Variants in NFKB1 observed in about 807,000 individuals in gnomAD.
NFKB1 encodes the protein nuclear factor kappa B subunit 1, also known as nuclear factor NF-kappa-B p105 subunit.
Under a neutral mutation model 105.1 loss-of-function variants are expected in NFKB1, and 9 were observed. The ratio of observed to expected loss-of-function variants is 0.09; its 90% CI spans 0.05 to 0.15. NFKB1 has a LOEUF of 0.15. Among genes scored for constraint, NFKB1 ranks in the 10% least tolerant of loss-of-function variants. The pLI, the probability that NFKB1 is intolerant of heterozygous loss-of-function variation, is 1.00. For missense variants in NFKB1, 830 were observed against 1,203.7 expected, an observed-to-expected ratio of 0.69 and a Z score of 4.59; for synonymous variants, 440 against 442.2, an observed-to-expected ratio of 1.00 and a Z score of 0.06.
chr4:102,598,617 T>C (rs1270621920), intron 15 of NFKB1, among the ~76,000 whole-genome samples: 2 of 152,202 alleles, frequency 1.3e-5, no homozygotes, highest in African/African-American at 4.8e-5. Flanking sequence ...AGTACAACCT[T>C]CTTGGTATAA....
chr4:102,511,410 C>T (rs1040904324), intron 1 of NFKB1, among the ~76,000 whole-genome samples: 1 of 152,214 alleles, frequency 6.6e-6, no homozygotes, highest in African/African-American at 2.4e-5. Context: ...CGTAGTGGCT[C>T]ATATCTGTAA....
intron 5 of NFKB1, chr4:102,557,072 G>C (rs892113821): frequency 1.3e-5 from 2 of 152,196 alleles, no homozygotes; most frequent in Non-Finnish European, 2.9e-5. Context: ...ATTAGGAGAG[G>C]ATATGTGAAG....
chr4:102,592,342 A>G (rs1726244134), intron 11 of NFKB1, among the ~76,000 whole-genome samples: 1 of 152,258 alleles, frequency 6.6e-6, no homozygotes, highest in African/African-American at 2.4e-5. Context: ...TGTATACTAT[A>G]GAGAAATCTT....
At chr4:102,584,849 C>T (rs1399907285) in intron 11 of NFKB1, 29 bp downstream of exon 11, 4 of 1,558,366 alleles carry the variant, frequency 2.6e-6, no homozygotes, top group Non-Finnish European at 2.6e-6. Flanking sequence ...ATCTTATGCT[C>T]ATATTTTATT....
At chr4:102,548,815 C>T (rs1351369837) in intron 5 of NFKB1, among the ~76,000 whole-genome samples, 1 of 152,144 alleles carries the variant, frequency 6.6e-6, no homozygotes, top group Non-Finnish European at 1.5e-5. Context: ...CTCTGCGTCC[C>T]TGTGTCCAAA....
chr4:102,544,604 G>A (rs1440235249), intron 5 of NFKB1, among the ~76,000 whole-genome samples: 2 of 152,112 alleles, frequency 1.3e-5, no homozygotes, highest in African/African-American at 4.8e-5. Context: ...AACCACAATT[G>A]AGACTTATAG....
chr4:102,518,846 A>C (rs375269986), intron 1 of NFKB1, among the ~76,000 whole-genome samples: 8 of 152,264 alleles, frequency 5.3e-5, no homozygotes, highest in African/African-American at 1.9e-4. Context: ...TTGATTTTCC[A>C]GTGGCTGGTG....
At chr4:102,532,757 A>T (rs1470752482) in intron 3 of NFKB1, among the ~76,000 whole-genome samples, 2 of 152,244 alleles carry the variant, frequency 1.3e-5, no homozygotes, top group Non-Finnish European at 2.9e-5. Flanking sequence ...TCTGAGAGAA[A>T]ATGAAGATTA....
chr4:102,613,223 C>G (rs1728593554), intron 22 of NFKB1, among the ~76,000 whole-genome samples: 1 of 152,134 alleles, frequency 6.6e-6, no homozygotes, highest in African/African-American at 2.4e-5. Context: ...TCTGTGATTT[C>G]CTGAGTGGTC....
In NFKB1 at chr4:102,612,545, T is replaced by C. The variant is rs535499088; in HGVS notation, c.2531T>C (p.Ile844Thr). The change falls in exon 22 of 24, where the codon ATA becomes ACA. Residue 844 changes from isoleucine to threonine, a missense_variant. Around this residue, in one of 8 missense-constraint regions of NFKB1, gnomAD observed 418 missense variants for 575.3 expected, o/e 0.73. Transcript: ENST00000226574. ...CTGGCGCAGAAATTAGGTCTGGGGATACTTAATAATGCCTTCCGGCTGAGT... is the reference window on the plus strand; with the variant it reads ...CTGGCGCAGAAATTAGGTCTGGGGACACTTAATAATGCCTTCCGGCTGAGT... ...ATLAQKLGLG[I>T]LNNAFRLSPA... 3.1e-6 allele frequency: 5 copies of C among 1,614,046 alleles called. No individual in the cohort carries two copies. In the East Asian group the frequency reaches 1.1e-4, roughly 36 times the overall value.
intron 23 of NFKB1, among the ~76,000 whole-genome samples, chr4:102,614,703 C>T (rs1175980042): frequency 1.3e-5 from 2 of 152,096 alleles, no homozygotes; most frequent in Admixed American, 1.3e-4. Context: ...CAGAGTGTGT[C>T]ATGGTTGACG....
intron 4 of NFKB1, 159 bp from the exon 5 acceptor site, chr4:102,537,699 G>T: frequency 2.0e-6 from 1 of 511,526 alleles, no homozygotes; most frequent in Non-Finnish European, 3.5e-6. Flanking sequence ...TAAGATTACG[G>T]GAAAAGTGAT....
chr4:102,529,241 T>C (rs1172727841), intron 2 of NFKB1, among the ~76,000 whole-genome samples: 1 of 152,192 alleles, frequency 6.6e-6, no homozygotes, highest in Non-Finnish European at 1.5e-5. Context: ...TTTTGTGTTA[T>C]GCTAGGAAAC....
intron 23 of NFKB1, 133 bp downstream of exon 23, chr4:102,613,714 C>G: frequency 9.3e-7 from 1 of 1,069,894 alleles, no homozygotes; most frequent in East Asian, 2.6e-5. Flanking sequence ...GTCTCTCTAC[C>G]CCCTGGGCTC....
At chr4:102,520,141 G>A (rs74655282) in intron 1 of NFKB1, among the ~76,000 whole-genome samples, 3,063 of 152,208 alleles carry the variant, frequency 0.02, 106 homozygotes, top group African/African-American at 0.065. Context: ...GTCTTCAAAC[G>A]TTGCCAAATG....
intron 4 of NFKB1, among the ~76,000 whole-genome samples, chr4:102,536,733 G>A (rs1741663463): frequency 6.6e-6 from 1 of 152,072 alleles, no homozygotes; most frequent in African/African-American, 2.4e-5. Flanking sequence ...TGAGCTGATG[G>A]GCAGATGATC....
intron 5 of NFKB1, among the ~76,000 whole-genome samples, chr4:102,547,612 T>G (rs921118422): frequency 5.9e-5 from 9 of 152,208 alleles, no homozygotes; most frequent in African/African-American, 2.2e-4. Context: ...TAAATCAAGT[T>G]ATTCAGTACA....
At chr4:102,602,600 A>T (rs1727276329) in intron 16 of NFKB1, among the ~76,000 whole-genome samples, 1 of 151,850 alleles carries the variant, frequency 6.6e-6, no homozygotes, top group East Asian at 1.9e-4. Flanking sequence ...AAACGTTTAC[A>T]TGTGGCTCTT....
At chr4:102,515,583 A>C (rs904990468) in intron 1 of NFKB1, among the ~76,000 whole-genome samples, 1 of 152,030 alleles carries the variant, frequency 6.6e-6, no homozygotes, top group Non-Finnish European at 1.5e-5. Context: ...TACTTTCTAA[A>C]GTGGTTACTT....
Sources: gnomAD v4.1 joint callset for allele counts (sites outside exome capture counted in the v4.1 genomes callset) on GRCh38, gnomAD v4.1.1 for gene constraint, gnomAD v4.1.1 regional missense constraint, MANE v1.5 for transcripts, NCBI Gene and HGNC (gene_info 2026-07-23, HGNC 2026-07-21) for gene names.